The following CSMD1 variants were observed in gnomAD, a reference collection of about 807,000 sequenced individuals.
The protein encoded by CSMD1 is CUB and Sushi multiple domains 1, also known as CUB and sushi domain-containing protein 1.
A neutral mutation model predicts 417.5 loss-of-function variants in CSMD1; 213 were observed. The ratio of observed to expected loss-of-function variants is 0.51; its 90% CI spans 0.46 to 0.57. CSMD1 has a LOEUF of 0.57. Ranked by LOEUF, CSMD1 falls within the 20% of genes least tolerant of loss-of-function variation. The probability of loss-of-function intolerance (pLI) is 0.00; values close to 1 mark genes in which losing one functional copy is unlikely to be tolerated. For synonymous variants in CSMD1, 2,862 were observed against 1,736.8 expected (o/e 1.65, Z -16.11); for missense variants, 6,923 against 4,529.7 (o/e 1.53, Z -15.17).
intron 37 of CSMD1, among the ~76,000 whole-genome samples, chr8:3,166,898 G>T (rs184989267): frequency 6.6e-6 from 1 of 152,298 alleles, no homozygotes; most frequent in Non-Finnish European, 1.5e-5. Context: ...ATTTTCAAGA[G>T]AAATAATTTG....
chr8:3,665,109 T>A (rs1354155748), intron 7 of CSMD1, among the ~76,000 whole-genome samples: 1 of 152,180 alleles, frequency 6.6e-6, no homozygotes. Context: ...ATGCTTATAA[T>A]AAGAAAGTTT....
chr8:3,193,011 C>A (rs1373643238), intron 33 of CSMD1, among the ~76,000 whole-genome samples: 1 of 151,918 alleles, frequency 6.6e-6, no homozygotes, highest in Non-Finnish European at 1.5e-5. Flanking sequence ...GCGCTATTGC[C>A]AGTTTTTCTA....
At chr8:4,417,323 G>A (rs1156815593) in intron 3 of CSMD1, among the ~76,000 whole-genome samples, 2 of 152,098 alleles carry the variant, frequency 1.3e-5, no homozygotes, top group African/African-American at 4.8e-5. Context: ...AATAGTTTAT[G>A]TAAATAAAGC....
intron 5 of CSMD1, among the ~76,000 whole-genome samples, chr8:3,858,961 A>T (rs1804505226): frequency 6.6e-6 from 1 of 152,330 alleles, no homozygotes; most frequent in Admixed American, 6.5e-5. Flanking sequence ...AGCAGAATTA[A>T]AGTATAACGA....
At chr8:4,819,820 C>T (rs959378441) in intron 1 of CSMD1, among the ~76,000 whole-genome samples, 5 of 152,022 alleles carry the variant, frequency 3.3e-5, no homozygotes, top group Non-Finnish European at 5.9e-5. Context: ...TGTGGAGGTT[C>T]CATTCCTCCA....
chr8:4,767,253 A>G (rs999213352), intron 1 of CSMD1, among the ~76,000 whole-genome samples: 17 of 152,242 alleles, frequency 1.1e-4, no homozygotes, highest in Non-Finnish European at 2.5e-4. Flanking sequence ...CAAGGTGAAA[A>G]GAAACAAAAC....
chr8:4,372,546 G>A (rs558602902), intron 3 of CSMD1, among the ~76,000 whole-genome samples: 2 of 151,704 alleles, frequency 1.3e-5, no homozygotes, highest in Admixed American at 1.3e-4. Context: ...ATGATTCAAA[G>A]CCTTTTGGAG....
chr8:2,953,332 G>T (rs1157957845), intron 65 of CSMD1, among the ~76,000 whole-genome samples: 2 of 151,774 alleles, frequency 1.3e-5, no homozygotes, highest in East Asian at 3.9e-4. Context: ...AGAATTAAAT[G>T]TGTCACACAG....
chr8:3,175,551 C>G (rs1441274168), intron 37 of CSMD1, among the ~76,000 whole-genome samples: 1 of 141,952 alleles, frequency 7.0e-6, no homozygotes, highest in African/African-American at 2.6e-5. Flanking sequence ...CTCCCTCCCT[C>G]TCTCCCTCCC....
Position 4,266,773 on chromosome 8 carries a change from G to C in CSMD1, c.415+153180C>G, listed in dbSNP as rs1392908347. On this transcript the variant is annotated intron_variant, in intron 3 of 69. Coordinates refer to ENST00000635120, the MANE Select transcript of CSMD1 (RefSeq NM_033225.6). Reference sequence around the variant, plus strand: ...TGATGATCTATAAATCCTCAAAATAGTAGCACAGAGAATCTAGATGAAAAC... The same window carrying C: ...TGATGATCTATAAATCCTCAAAATACTAGCACAGAGAATCTAGATGAAAAC... Among the ~76,000 whole-genome samples the C allele has an allele frequency of 1.9e-5, 2 of 104,664 alleles. 1 individual carries two copies. Among genetic ancestry groups the C allele is most frequent in the Non-Finnish European group, 5.2e-5 (2 of 38,834 alleles). 68.7% of individuals were successfully genotyped at this position (104,664 alleles called of 152,430 possible).
rs545734744 is a variant in CSMD1, at chr8:3,795,923, T to C, written c.819-41881A>G. ...TATATATCATGTACAGATATAGATA[T>C]CTATCATGTACAGATATAGATATCT... On this transcript the variant is annotated intron_variant, in intron 5 of 69. Transcript: ENST00000635120. Among the ~76,000 whole-genome samples the C allele has an allele frequency of 3.0e-3, 175 of 57,868 alleles. 9 individuals are homozygous for C. The highest frequency in any genetic ancestry group is 7.1e-3 in the African/African-American group (113 of 15,808). 38.0% of individuals were successfully genotyped at this position (57,868 alleles called of 152,430 possible).
At chr8:4,362,357 C>T (rs903862276) in intron 3 of CSMD1, among the ~76,000 whole-genome samples, 4 of 152,038 alleles carry the variant, frequency 2.6e-5, no homozygotes, top group Non-Finnish European at 4.4e-5. Flanking sequence ...CATCTGTCTG[C>T]CCCCTGCACT....
intron 22 of CSMD1, among the ~76,000 whole-genome samples, chr8:3,347,212 C>G (rs954680583): frequency 4.6e-5 from 7 of 152,220 alleles, no homozygotes; most frequent in Admixed American, 3.9e-4. Context: ...AGCATTAGCT[C>G]TTGTTTCTTG....
At chr8:3,147,415 G>T (rs754507934) in intron 40 of CSMD1, among the ~76,000 whole-genome samples, 1 of 152,166 alleles carries the variant, frequency 6.6e-6, no homozygotes, top group Non-Finnish European at 1.5e-5. Flanking sequence ...TATTTAGATT[G>T]AAAGTGCTCT....
chr8:4,442,885 T>C (rs1398609182), intron 2 of CSMD1, among the ~76,000 whole-genome samples: 1 of 152,214 alleles, frequency 6.6e-6, no homozygotes, highest in Non-Finnish European at 1.5e-5. Context: ...ATTGCTTGTT[T>C]ACAGTGAACA....
intron 3 of CSMD1, among the ~76,000 whole-genome samples, chr8:4,348,551 G>C (rs929596542): frequency 2.7e-5 from 4 of 149,374 alleles, no homozygotes; most frequent in African/African-American, 9.8e-5. Context: ...ATAAAAGTGT[G>C]TGTGTGCACA....
chr8:3,506,975 T>C (rs762786986), intron 10 of CSMD1, among the ~76,000 whole-genome samples: 1 of 152,232 alleles, frequency 6.6e-6, no homozygotes, highest in Non-Finnish European at 1.5e-5. Flanking sequence ...TTTGCTTATC[T>C]TTGATATAGA....
At chr8:2,950,744 A>C (rs1356731302) in intron 66 of CSMD1, among the ~76,000 whole-genome samples, 1 of 152,200 alleles carries the variant, frequency 6.6e-6, no homozygotes, top group Non-Finnish European at 1.5e-5. Flanking sequence ...ATATAAATCG[A>C]GGCTGTTTTA....
At chr8:4,070,404 C>T (rs915550105) in intron 3 of CSMD1, among the ~76,000 whole-genome samples, 4 of 152,150 alleles carry the variant, frequency 2.6e-5, no homozygotes, top group African/African-American at 9.7e-5. Flanking sequence ...GTCGCCCAGG[C>T]TGGAGTGCAG....
Sources: allele counts gnomAD v4.1 joint callset (sites outside exome capture counted in the v4.1 genomes callset), GRCh38; gene constraint gnomAD v4.1.1; transcripts MANE v1.5; gene names NCBI Gene and HGNC (gene_info 2026-07-23, HGNC 2026-07-21).